The following STARD13 variants were observed in gnomAD, a reference collection of about 807,000 sequenced individuals.
STARD13 encodes stAR-related lipid transfer protein 13.
STARD13 carries 62 observed loss-of-function variants against 106.4 expected under a neutral mutation model. The observed-to-expected ratio is 0.58, with a 90% confidence interval of 0.48 to 0.72. The LOEUF (loss-of-function observed/expected upper bound fraction) is 0.72, where lower values mean the gene tolerates loss of function less well. STARD13 is among the 30% of genes least tolerant of loss of function. STARD13 has a pLI of 0.00. For missense variants in STARD13, 1,387 were observed against 1,424.0 expected (o/e 0.97, Z 0.42); for synonymous variants, 565 against 553.0 (o/e 1.02, Z -0.31).
intron 7 of STARD13, among the ~76,000 whole-genome samples, chr13:33,119,442 G>T (rs916309803): frequency 1.3e-5 from 2 of 152,176 alleles, no homozygotes; most frequent in Non-Finnish European, 2.9e-5. Context: ...AATACAGGTC[G>T]TCTTACTGAT....
At chr13:33,315,135 T>G (rs192568857) in intron 1 of STARD13, among the ~76,000 whole-genome samples, 1 of 152,202 alleles carries the variant, frequency 6.6e-6, no homozygotes, top group Admixed American at 6.6e-5. Context: ...TCATCTTCAG[T>G]AATGTAAACT....
chr13:33,605,914 T>C, the STARD13 span, among the ~76,000 whole-genome samples: 1 of 152,244 alleles, frequency 6.6e-6, no homozygotes, highest in South Asian at 2.1e-4. Context: ...ACATGGACTC[T>C]AGAGTCTGGG....
At chr13:33,415,063 G>T in the STARD13 span, among the ~76,000 whole-genome samples, 1 of 152,260 alleles carries the variant, frequency 6.6e-6, no homozygotes, top group African/African-American at 2.4e-5. Context: ...TAAAACAGAT[G>T]ATTGTGAATA....
At chr13:33,669,262 T>TA in the STARD13 span, among the ~76,000 whole-genome samples, 1 of 151,960 alleles carries the variant, frequency 6.6e-6, no homozygotes, top group African/African-American at 2.4e-5. Flanking sequence ...TAGAAACAAA[T>TA]AAAAAAGGAA....
the STARD13 span, among the ~76,000 whole-genome samples, chr13:33,488,698 A>G: frequency 1.3e-5 from 2 of 152,228 alleles, no homozygotes; most frequent in Non-Finnish European, 2.9e-5. Context: ...GGCACATGAA[A>G]TTGCCCTAAG....
chr13:33,299,286 T>C (rs1012916784), intron 1 of STARD13, among the ~76,000 whole-genome samples: 2 of 152,194 alleles, frequency 1.3e-5, no homozygotes, highest in Non-Finnish European at 2.9e-5. Context: ...TGCATGACTA[T>C]ACACTTAGGC....
chr13:33,444,764 G>A, the STARD13 span, among the ~76,000 whole-genome samples: 2 of 152,072 alleles, frequency 1.3e-5, no homozygotes, highest in African/African-American at 4.8e-5. Context: ...GTGAGATCCT[G>A]TCTCCAAAAA....
intron 1 of STARD13, among the ~76,000 whole-genome samples, chr13:33,305,840 T>C (rs543535701): frequency 2.6e-5 from 4 of 152,330 alleles, no homozygotes; most frequent in African/African-American, 9.6e-5. Context: ...ACTTCTTCCT[T>C]TGGGAAGCAC....
In STARD13 at chr13:33,170,526, C is replaced by A. The variant is rs149429678; in HGVS notation, c.170-2904G>T. 5.3e-3 allele frequency among the ~76,000 whole-genome samples: 805 copies of A among 152,264 alleles called. 8 individuals carry two copies. The highest frequency in any genetic ancestry group is 0.018 in the African/African-American group (731 of 41,542). Reference sequence around the variant, plus strand: ...AATTTTAACCAGAACCCAGATAAATCAATCATTCAAATAAGATGATTTTTT... The same window carrying A: ...AATTTTAACCAGAACCCAGATAAATAAATCATTCAAATAAGATGATTTTTT... On this transcript the variant is annotated intron_variant, in intron 1 of 13. Transcript: ENST00000336934.
At chr13:33,456,602 C>T in the STARD13 span, among the ~76,000 whole-genome samples, 1 of 152,260 alleles carries the variant, frequency 6.6e-6, no homozygotes, top group African/African-American at 2.4e-5. Flanking sequence ...TTTGCTGTGT[C>T]CTCACATGGC....
intron 7 of STARD13, among the ~76,000 whole-genome samples, chr13:33,125,195 A>C (rs1172573419): frequency 6.6e-6 from 1 of 152,218 alleles, no homozygotes; most frequent in Non-Finnish European, 1.5e-5. Flanking sequence ...GGACCAGGGT[A>C]AATCAATAAA....
chr13:33,361,029 A>G, the STARD13 span, among the ~76,000 whole-genome samples: 1 of 141,684 alleles, frequency 7.1e-6, no homozygotes, highest in Non-Finnish European at 1.5e-5. Context: ...GATGATCTCG[A>G]TCTCCTGACC....
chr13:33,239,796 C>T (rs942201719), intron 1 of STARD13, among the ~76,000 whole-genome samples: 3 of 152,074 alleles, frequency 2.0e-5, no homozygotes, highest in Non-Finnish European at 4.4e-5. Flanking sequence ...TAGATATTAA[C>T]CATTTATCTG....
At chr13:33,632,870 A>C in the STARD13 span, among the ~76,000 whole-genome samples, 1 of 151,432 alleles carries the variant, frequency 6.6e-6, no homozygotes, top group Admixed American at 6.6e-5. Flanking sequence ...AATTTCTTTC[A>C]AGAGCACAGT....
At chr13:33,297,741 A>AG (rs1484443634) in intron 1 of STARD13, among the ~76,000 whole-genome samples, 1 of 152,180 alleles carries the variant, frequency 6.6e-6, no homozygotes, top group Non-Finnish European at 1.5e-5. Flanking sequence ...TTGTATGACT[A>AG]GGGGATGAAG....
chr13:33,137,708 G>C (rs763602230), intron 4 of STARD13, among the ~76,000 whole-genome samples: 1 of 152,242 alleles, frequency 6.6e-6, no homozygotes, highest in Non-Finnish European at 1.5e-5. Flanking sequence ...AAATCCTGCA[G>C]TGAGTGAGTG....
the STARD13 span, among the ~76,000 whole-genome samples, chr13:33,577,942 G>T: frequency 1.3e-5 from 2 of 151,820 alleles, no homozygotes; most frequent in Admixed American, 1.3e-4. Context: ...AAAAATCTTT[G>T]AAAAGCATAT....
intron 1 of STARD13, among the ~76,000 whole-genome samples, chr13:33,243,287 T>C (rs768550888): frequency 3.3e-5 from 5 of 152,080 alleles, no homozygotes; most frequent in Non-Finnish European, 7.4e-5. Flanking sequence ...TAAATAGAAA[T>C]GTTGGAGTGT....
chr13:33,441,516 T>C, the STARD13 span, among the ~76,000 whole-genome samples: 2 of 152,136 alleles, frequency 1.3e-5, no homozygotes, highest in Non-Finnish European at 2.9e-5. Flanking sequence ...ATCAGTAAAA[T>C]GGGGTTGCTT....
Sources: allele counts gnomAD v4.1 joint callset (sites outside exome capture counted in the v4.1 genomes callset), GRCh38; gene constraint gnomAD v4.1.1; transcripts MANE v1.5; gene names NCBI Gene and HGNC (gene_info 2026-07-23, HGNC 2026-07-21).